CLYBL: variants seen among roughly 807,000 people sequenced by gnomAD.
CLYBL encodes citramalyl-CoA lyase, mitochondrial.
In CLYBL, 31 loss-of-function variants were observed where a neutral mutation model predicts 38.9. The ratio of observed to expected loss-of-function variants is 0.80; its 90% CI spans 0.60 to 1.08. The LOEUF (loss-of-function observed/expected upper bound fraction) is 1.08, where lower values mean the gene tolerates loss of function less well. Ranked by LOEUF, CLYBL falls within the 50% of genes least tolerant of loss-of-function variation. The pLI, the probability that CLYBL is intolerant of heterozygous loss-of-function variation, is 0.00. For missense variants in CLYBL, 434 were observed against 411.6 expected, an observed-to-expected ratio of 1.05 and a Z score of -0.47; for synonymous variants, 171 against 158.6, an observed-to-expected ratio of 1.08 and a Z score of -0.59.
At chr13:99,883,980 T>C (rs1035547626) in intron 7 of CLYBL, among the ~76,000 whole-genome samples, 1 of 152,168 alleles carries the variant, frequency 6.6e-6, no homozygotes, top group Non-Finnish European at 1.5e-5. Flanking sequence ...TTGCATGAGT[T>C]AACTTGAGCC....
intron 7 of CLYBL, among the ~76,000 whole-genome samples, chr13:99,884,456 T>C (rs986929507): frequency 6.6e-6 from 1 of 152,128 alleles, no homozygotes; most frequent in African/African-American, 2.4e-5. Flanking sequence ...CACATGTCAG[T>C]TTAAACATCA....
At chr13:99,687,037 C>T (rs145729621) in intron 1 of CLYBL, among the ~76,000 whole-genome samples, 8 of 152,284 alleles carry the variant, frequency 5.3e-5, no homozygotes, top group African/African-American at 1.4e-4. Flanking sequence ...CAGAGAGCTC[C>T]GGGGCTACAC....
rs536958403 is a variant in CLYBL at position 99,672,721 on chromosome 13, G to T, written c.62+65964G>T. On this transcript the variant is annotated intron_variant, in intron 1 of 8. Coordinates refer to ENST00000339105, the MANE Select transcript of CLYBL (RefSeq NM_206808.5). ...GGAGGTTGAGGCTGTAGTGAGCTGT[G>T]ATTGTACCACCACACTCCAGCCTGG... is the stretch of plus-strand genomic sequence containing the variant. Among the ~76,000 whole-genome samples, 9 of 152,090 alleles carry T rather than the reference G, an allele frequency of 5.9e-5. No individual in the cohort carries two copies. In the South Asian group the frequency reaches 1.5e-3, roughly 25 times the overall value.
intron 2 of CLYBL, among the ~76,000 whole-genome samples, chr13:99,854,171 C>T (rs565428945): frequency 1.4e-3 from 220 of 152,202 alleles, no homozygotes; most frequent in Non-Finnish European, 2.5e-3. Context: ...ATAGCTTTCT[C>T]GTTGTTCCTG....
At chr13:99,894,981 C>T (rs1054524819), downstream of CLYBL, 7 of 152,202 alleles carry the variant, frequency 4.6e-5, no homozygotes, top group African/African-American at 1.7e-4. Context: ...CCCTCCCCTC[C>T]TCTCCTCCAG....
At chr13:99,677,280 T>A (rs1050002674) in intron 1 of CLYBL, among the ~76,000 whole-genome samples, 3 of 151,092 alleles carry the variant, frequency 2.0e-5, no homozygotes, top group Non-Finnish European at 4.4e-5. Context: ...TCTTATAACC[T>A]CTCCAAGATA....
chr13:99,617,225 G>A (rs2046724940), intron 1 of CLYBL, among the ~76,000 whole-genome samples: 5 of 152,052 alleles, frequency 3.3e-5, no homozygotes. Flanking sequence ...AGTAAAATGA[G>A]GGTCTTAGTT....
chr13:99,854,550 CCA>C (rs1398718660), intron 2 of CLYBL, among the ~76,000 whole-genome samples: 3 of 152,010 alleles, frequency 2.0e-5, no homozygotes, highest in Non-Finnish European at 4.4e-5. Flanking sequence ...GATTTATTCT[CCA>C]GATGGCGAGA....
At chr13:99,628,781 G>C (rs1017741194) in intron 1 of CLYBL, among the ~76,000 whole-genome samples, 1 of 152,202 alleles carries the variant, frequency 6.6e-6, no homozygotes, top group Non-Finnish European at 1.5e-5. Context: ...CAAATCCCAA[G>C]AAACATCTGT....
chr13:99,704,827 C>T (rs550363995), intron 1 of CLYBL, among the ~76,000 whole-genome samples: 2 of 152,176 alleles, frequency 1.3e-5, no homozygotes, highest in Admixed American at 6.6e-5. Flanking sequence ...TTCATATGCA[C>T]AGGTCATCTT....
At chr13:99,674,040 G>A (rs751421680) in intron 1 of CLYBL, among the ~76,000 whole-genome samples, 1 of 151,304 alleles carries the variant, frequency 6.6e-6, no homozygotes, top group Non-Finnish European at 1.5e-5. Context: ...AATAAATGGA[G>A]CACGCTTTTG....
Position 99,804,365 on chromosome 13 carries a change from T to C in CLYBL, c.249+31355T>C, listed in dbSNP as rs569299648. 7.9e-5 allele frequency among the ~76,000 whole-genome samples: 12 copies of C among 152,338 alleles called. 1 individual carries two copies. Among genetic ancestry groups the C allele is most frequent in the African/African-American group, 2.9e-4 (12 of 41,578 alleles). On this transcript the variant is annotated intron_variant, in intron 2 of 8. Transcript: ENST00000339105. Reference sequence around the variant, plus strand: ...GGATCTAGAGAGCTTCTCTGTTGGTTATACTGTTGCTGTTGTTTTTCTGAA... The same window carrying C: ...GGATCTAGAGAGCTTCTCTGTTGGTCATACTGTTGCTGTTGTTTTTCTGAA...
At chr13:99,745,032 A>G (rs1210511349) in intron 1 of CLYBL, among the ~76,000 whole-genome samples, 2 of 152,258 alleles carry the variant, frequency 1.3e-5, no homozygotes, top group Non-Finnish European at 2.9e-5. Flanking sequence ...CCAGCCACCT[A>G]TCCCTTAGCA....
intron 1 of CLYBL, among the ~76,000 whole-genome samples, chr13:99,669,733 A>C (rs1203343754): frequency 6.6e-6 from 1 of 152,178 alleles, no homozygotes; most frequent in Admixed American, 6.5e-5. Flanking sequence ...AGTGTTCTGC[A>C]CCCCACACAG....
downstream of CLYBL, among the ~76,000 whole-genome samples, chr13:99,901,503 A>G (rs1394490811): frequency 6.6e-6 from 1 of 152,094 alleles, no homozygotes; most frequent in Non-Finnish European, 1.5e-5. Flanking sequence ...AGACCCCGAG[A>G]GAGACCCCGA....
chr13:99,680,767 G>A (rs1215168551), intron 1 of CLYBL, among the ~76,000 whole-genome samples: 3 of 152,262 alleles, frequency 2.0e-5, no homozygotes, highest in Admixed American at 2.0e-4. Context: ...GCAGAGACGT[G>A]GATGGCTGCT....
chr13:99,767,428 G>A (rs1217598454), intron 1 of CLYBL, among the ~76,000 whole-genome samples: 1 of 152,216 alleles, frequency 6.6e-6, no homozygotes, highest in African/African-American at 2.4e-5. Context: ...CTAGATGTGG[G>A]TGTCTTTGAG....
chr13:99,677,287 G>A lies in CLYBL; in HGVS notation c.62+70530G>A, dbSNP rs550499676. 2.0e-5 allele frequency among the ~76,000 whole-genome samples: 3 copies of A among 151,738 alleles called. No individual in the cohort carries two copies. The East Asian group carries it at 5.8e-4, about 29-fold the overall frequency. ...GTAGATTTTCTTATAACCTCTCCAA[G>A]ATAAAGATGCCAGAAACGGCAGCCA... On this transcript the variant is annotated intron_variant, in intron 1 of 8. Coordinates refer to ENST00000339105, the MANE Select transcript of CLYBL (RefSeq NM_206808.5).
chr13:99,769,817 CAAG>C (rs1267885088), intron 1 of CLYBL, among the ~76,000 whole-genome samples: 1 of 152,068 alleles, frequency 6.6e-6, no homozygotes, highest in African/African-American at 2.4e-5. Context: ...AGGTCGGCTA[CAAG>C]AAGGAATGAG....
Sources: allele counts gnomAD v4.1 joint callset (sites outside exome capture counted in the v4.1 genomes callset), GRCh38; gene constraint gnomAD v4.1.1; transcripts MANE v1.5; gene names NCBI Gene and HGNC (gene_info 2026-07-23, HGNC 2026-07-21).